PPP5C: variants seen among roughly 807,000 people sequenced by gnomAD.
The protein encoded by PPP5C is serine/threonine-protein phosphatase 5.
In PPP5C, 21 loss-of-function variants were observed where a neutral mutation model predicts 66.7. The observed-to-expected ratio is 0.31, with a 90% CI of 0.22 to 0.45. The LOEUF (loss-of-function observed/expected upper bound fraction) is 0.45. PPP5C is among the 20% of genes least tolerant of loss of function. PPP5C has a pLI of 1.00. For synonymous variants in PPP5C, 246 were observed against 257.4 expected, an observed-to-expected ratio of 0.96 and a Z score of 0.43; for missense variants, 464 against 675.9, an observed-to-expected ratio of 0.69 and a Z score of 3.48.
chr19:46,363,731 G>A (rs1278189272), intron 2 of PPP5C, among the ~76,000 whole-genome samples: 2 of 151,990 alleles, frequency 1.3e-5, no homozygotes, highest in Non-Finnish European at 2.9e-5. Flanking sequence ...ACCTGGCCTC[G>A]GTTTACCTTC....
chr19:46,379,451 G>A (rs1414585330), intron 4 of PPP5C, among the ~76,000 whole-genome samples: 1 of 152,130 alleles, frequency 6.6e-6, no homozygotes, highest in Non-Finnish European at 1.5e-5. Context: ...GCCTCCTAAA[G>A]TGCTGGAATT....
chr19:46,368,295 T>C (rs1003653074), intron 2 of PPP5C, among the ~76,000 whole-genome samples: 1 of 152,230 alleles, frequency 6.6e-6, no homozygotes, highest in Admixed American at 6.5e-5. Flanking sequence ...TTGCAGCTGC[T>C]GTACCATGCG....
intron 2 of PPP5C, among the ~76,000 whole-genome samples, chr19:46,371,607 C>T (rs902865361): frequency 6.6e-6 from 1 of 152,186 alleles, no homozygotes. Context: ...GTCCGAGTTT[C>T]TCGGCACAGC....
intron 2 of PPP5C, 70 bp downstream of exon 2, chr19:46,354,059 G>A (rs948368917): frequency 6.4e-6 from 10 of 1,558,540 alleles, no homozygotes; most frequent in Admixed American, 3.8e-5. Context: ...TGGCGGGGAC[G>A]GGTGTGAGGA....
intron 2 of PPP5C, among the ~76,000 whole-genome samples, chr19:46,368,128 G>A (rs925822070): frequency 1.1e-4 from 17 of 152,212 alleles, no homozygotes; most frequent in Admixed American, 7.9e-4. Context: ...TGGAGAGATT[G>A]TAGAGATTAG....
Position 46,376,308 on chromosome 19 carries a change from C to A in PPP5C, c.512-145C>A. On this transcript the variant is annotated intron_variant, in intron 3 of 12. Transcript: ENST00000012443. This position sits in a 1 kb window ranked among gnomAD's most constrained non-coding sequence, Gnocchi z 5.1. ...AAGAGGCCTCTGGGCCAGACCTGAC[C>A]CAGGAGGGGACTCTTCACTCACTCT... The A allele has an allele frequency of 9.4e-7, 1 of 1,062,460 alleles. No individual in the cohort carries two copies. Among genetic ancestry groups the A allele is most frequent in the Non-Finnish European group, 1.3e-6 (1 of 741,190 alleles). The allele number at this position is 1,062,460 out of a possible 1,614,324, so 65.8% of individuals were successfully genotyped here. A position where few individuals can be genotyped will look rare whatever the true frequency, so the allele number is the denominator to read the frequency against.
intron 1 of PPP5C, 30 bp downstream of exon 1, chr19:46,347,247 GT>G: frequency 6.3e-7 from 1 of 1,587,870 alleles, no homozygotes; most frequent in Non-Finnish European, 8.6e-7. Flanking sequence ...AGGGTGGACA[GT>G]GGCCCAGGCT....
At position 46,388,765 on chromosome 19, in the gene PPP5C, C is replaced by T. The variant is rs927035836; in HGVS notation, c.1355+34C>T. The T allele has an allele frequency of 6.3e-7, 1 of 1,594,854 alleles. No homozygotes were observed. The highest frequency in any genetic ancestry group is 8.6e-7 in the Non-Finnish European group (1 of 1,168,496). ...TTGCCTTTCCAGCCCAGGGCCTCTA[C>T]CAAGCCACGGGTTTTTGTCTTGGTT... On this transcript the variant is annotated intron_variant, in intron 11 of 12. Transcript: ENST00000012443. The surrounding 1 kb of genome is among the most constrained non-coding windows in gnomAD (Gnocchi z 4.9).
At chr19:46,378,041 T>C (rs917840191) in intron 4 of PPP5C, among the ~76,000 whole-genome samples, 6 of 152,252 alleles carry the variant, frequency 3.9e-5, no homozygotes, top group Admixed American at 3.9e-4. Flanking sequence ...CATTATTCTC[T>C]ATGCATGCTT....
At position 46,383,964 on chromosome 19, in the gene PPP5C, C is replaced by T; in HGVS notation, c.798+86C>T. 2 of 1,129,210 alleles carry T rather than the reference C, an allele frequency of 1.8e-6. No homozygotes were observed. Among genetic ancestry groups the T allele is most frequent in the Non-Finnish European group, 2.6e-6 (2 of 756,612 alleles). 69.9% of individuals were successfully genotyped at this position (1,129,210 alleles called of 1,614,324 possible). Reference sequence around the variant, plus strand: ...TGCACAGAGTGGGAGGAGCCCTTGCCAGGAAAAGACGTGACCTTGGAAAGG... The same window carrying T: ...TGCACAGAGTGGGAGGAGCCCTTGCTAGGAAAAGACGTGACCTTGGAAAGG... On this transcript the variant is annotated intron_variant, in intron 6 of 12. Transcript: ENST00000012443. This position sits in a 1 kb window ranked among gnomAD's most constrained non-coding sequence, Gnocchi z 5.0.
At chr19:46,353,520 G>A (rs1233225379) in intron 1 of PPP5C, among the ~76,000 whole-genome samples, 1 of 150,284 alleles carries the variant, frequency 6.7e-6, no homozygotes, top group African/African-American at 2.5e-5. Flanking sequence ...TGGGGCTGGA[G>A]GGGTGGGTGG....
At chr19:46,352,538 C>T (rs1038123347) in intron 1 of PPP5C, among the ~76,000 whole-genome samples, 3 of 152,168 alleles carry the variant, frequency 2.0e-5, no homozygotes, top group Non-Finnish European at 2.9e-5. Context: ...GCCCACTTCT[C>T]GGCCAGGCGC....
chr19:46,369,492 C>T lies in PPP5C; in HGVS notation c.364-6112C>T, dbSNP rs191447655. 7.3e-5 allele frequency among the ~76,000 whole-genome samples: 11 copies of T among 151,710 alleles called. No homozygotes were observed. In the East Asian group the frequency reaches 1.9e-3, roughly 27 times the overall value. ...CTAAATATACAAAAAATTAGCCGGG[C>T]GTGGTGGCAGGTGCCTGTAGTCCTA... is the stretch of plus-strand genomic sequence containing the variant. On this transcript the variant is annotated intron_variant, in intron 2 of 12. Transcript: ENST00000012443.
chr19:46,376,270 CAGGG>C lies in PPP5C; in HGVS notation c.512-179_512-176del. Reference sequence around the variant, plus strand: ...GTAAAGGGGGGTGGGTGAAGGAAGACAGGGAGGTCAGGAAGAGGCCTCTGGGCCA... The same window carrying C: ...GTAAAGGGGGGTGGGTGAAGGAAGACAGGTCAGGAAGAGGCCTCTGGGCCA... On this transcript the variant is annotated intron_variant, in intron 3 of 12. Coordinates refer to ENST00000012443, the MANE Select transcript of PPP5C (RefSeq NM_006247.4). The surrounding 1 kb of genome is among the most constrained non-coding windows in gnomAD (Gnocchi z 5.1). Among the ~76,000 whole-genome samples the C allele has an allele frequency of 6.6e-6, 1 of 152,212 alleles. No individual in the cohort carries two copies. The highest frequency in any genetic ancestry group is 2.4e-5 in the African/African-American group (1 of 41,546).
chr19:46,382,843 C>T, intron 4 of PPP5C: 1 of 1,040,222 alleles, frequency 9.6e-7, no homozygotes, highest in Non-Finnish European at 1.2e-6. Flanking sequence ...GACAAATATG[C>T]ATGTCATTGT....
intron 11 of PPP5C, among the ~76,000 whole-genome samples, chr19:46,389,374 C>CGGGCAAGAGTAAGACTCCATCTCAAA (rs1972959188): frequency 5.3e-4 from 1 of 1,900 alleles, no homozygotes; most frequent in Admixed American, 6.2e-3. Context: ...CACACACACA[C>CGGGCAAGAGTAAGACTCCATCTCAAA]ACACACACAC....
chr19:46,365,473 C>T (rs8102314), intron 2 of PPP5C, among the ~76,000 whole-genome samples: 1 of 152,202 alleles, frequency 6.6e-6, no homozygotes, highest in South Asian at 2.1e-4. Context: ...CAGTATATTG[C>T]GTCGAGGTGT....
rs1039075523 is a variant in PPP5C, at chr19:46,375,465, G to C, written c.364-139G>C. 1.2e-5 allele frequency: 16 copies of C among 1,318,614 alleles called. No individual in the cohort carries two copies. In the East Asian group the frequency reaches 3.8e-4, roughly 31 times the overall value. 81.7% of individuals were successfully genotyped at this position (1,318,614 alleles called of 1,614,324 possible). A position where few individuals can be genotyped will look rare whatever the true frequency, so the allele number is the denominator to read the frequency against. The stretch of plus-strand genomic sequence containing the variant: ...AAACCAAGGCTCGGCAGTTAAATAC[G>C]TCTAGGGTTGCACCATCAGCACCTG... On this transcript the variant is annotated intron_variant, in intron 2 of 12. Coordinates refer to ENST00000012443, the MANE Select transcript of PPP5C (RefSeq NM_006247.4).
intron 2 of PPP5C, 103 bp from the exon 3 acceptor site, chr19:46,375,501 G>T: frequency 6.7e-7 from 1 of 1,496,384 alleles, no homozygotes; most frequent in Non-Finnish European, 9.0e-7. Flanking sequence ...GCGCCCAGGC[G>T]GTCTGACTTC....
Sources: gnomAD v4.1 joint callset for allele counts (sites outside exome capture counted in the v4.1 genomes callset) on GRCh38, gnomAD v4.1.1 for gene constraint, Gnocchi (gnomAD v3.1) non-coding constraint, MANE v1.5 for transcripts, NCBI Gene and HGNC (gene_info 2026-07-23, HGNC 2026-07-21) for gene names.